The following CELF2 variants were observed in gnomAD, a reference collection of about 807,000 sequenced individuals.
CELF2 encodes the protein CUG triplet repeat RNA-binding protein 2.
Under a neutral mutation model 62.6 loss-of-function variants are expected in CELF2, and 8 were observed. That is an observed-to-expected ratio of 0.13 (90% CI 0.07 to 0.23). The LOEUF (loss-of-function observed/expected upper bound fraction) is 0.23. Among genes scored for constraint, CELF2 ranks in the 10% least tolerant of loss-of-function variants. The pLI is 1.00. For missense variants in CELF2, 333 were observed against 671.0 expected (o/e 0.50, Z 5.56); for synonymous variants, 258 against 250.0 (o/e 1.03, Z -0.30).
chr10:11,019,881 A>G (rs1288486648), intron 1 of CELF2, among the ~76,000 whole-genome samples: 1 of 152,168 alleles, frequency 6.6e-6, no homozygotes, highest in African/African-American at 2.4e-5. Context: ...TTTCTCCTCT[A>G]GAGGCTAGAG....
chr10:11,121,861 C>T (rs1595696962), intron 1 of CELF2, among the ~76,000 whole-genome samples: 1 of 152,128 alleles, frequency 6.6e-6, no homozygotes, highest in Non-Finnish European at 1.5e-5. Flanking sequence ...AAGAAATGCT[C>T]TGATGACAGG....
the CELF2 span, among the ~76,000 whole-genome samples, chr10:10,774,864 C>T: frequency 2.0e-5 from 3 of 148,626 alleles, no homozygotes; most frequent in East Asian, 2.0e-4. Flanking sequence ...TATTTATTTA[C>T]TTTTATTTTT....
chr10:11,245,512 C>T (rs138538829), intron 3 of CELF2, among the ~76,000 whole-genome samples: 9 of 152,168 alleles, frequency 5.9e-5, no homozygotes, highest in Non-Finnish European at 1.0e-4. Flanking sequence ...GTCTGACAAT[C>T]CACGGCTCTG....
rs766255031 is a variant in CELF2, at chr10:11,268,769, G to A, written c.619-1897G>A. ...GTCACATTATAATTGTTTGACTAAC[G>A]TTGTTTATTTTTAACTAATTATATT... On this transcript the variant is annotated intron_variant, in intron 6 of 12. Transcript: ENST00000633077. The surrounding 1 kb of genome is among the most constrained non-coding windows in gnomAD (Gnocchi z 4.7). 1.1e-4 allele frequency among the ~76,000 whole-genome samples: 16 copies of A among 152,032 alleles called. No individual in the cohort carries two copies. Among genetic ancestry groups the A allele is most frequent in the Admixed American group, 3.3e-4 (5 of 15,280 alleles).
the CELF2 span, among the ~76,000 whole-genome samples, chr10:10,591,435 T>C: frequency 6.6e-6 from 1 of 152,052 alleles, no homozygotes; most frequent in African/African-American, 2.4e-5. Flanking sequence ...AGTAAGTATA[T>C]ATGTATACAT....
At chr10:10,967,241 C>T (rs80193557) in intron 2 of CELF2, among the ~76,000 whole-genome samples, 9 of 152,250 alleles carry the variant, frequency 5.9e-5, no homozygotes, top group African/African-American at 1.4e-4. Flanking sequence ...AACAGGTGAC[C>T]GCCTGGGATT....
chr10:11,078,258 GC>G (rs372190784), intron 1 of CELF2, among the ~76,000 whole-genome samples: 13 of 151,644 alleles, frequency 8.6e-5, no homozygotes, highest in African/African-American at 2.4e-4. Context: ...GTGGTGGGGG[GC>G]GGAATGTATG....
chr10:10,747,222 A>C, the CELF2 span, among the ~76,000 whole-genome samples: 1 of 152,210 alleles, frequency 6.6e-6, no homozygotes, highest in Non-Finnish European at 1.5e-5. Context: ...ATCCCTACCC[A>C]CACTGGGGTG....
At chr10:10,619,696 G>A in the CELF2 span, among the ~76,000 whole-genome samples, 460 of 152,316 alleles carry the variant, frequency 3.0e-3, 3 homozygotes, top group African/African-American at 0.011. Context: ...GGCAGAAAAC[G>A]TCGTATTATC....
intron 2 of CELF2, among the ~76,000 whole-genome samples, chr10:10,953,234 G>A (rs953278976): frequency 2.6e-4 from 39 of 152,270 alleles, no homozygotes; most frequent in African/African-American, 6.3e-4. Flanking sequence ...AGAGAATTCC[G>A]TGGCAAGGGA....
rs114017821 is a variant in CELF2 at position 11,169,652 on chromosome 10, C to T, written c.271+3970C>T. Among the ~76,000 whole-genome samples the T allele has an allele frequency of 5.2e-3, 788 of 152,272 alleles. 7 individuals are homozygous for T. Among genetic ancestry groups the T allele is most frequent in the African/African-American group, 0.018 (749 of 41,526 alleles). On this transcript the variant is annotated intron_variant, in intron 2 of 12. Coordinates refer to ENST00000633077, the MANE Select transcript of CELF2 (RefSeq NM_001326342.2). The stretch of plus-strand genomic sequence containing the variant: ...TTCCCAGGCTGAAGGATTTAAAATT[C>T]CTTTGTTAGACTCTCGAGACTCTAG...
the CELF2 span, among the ~76,000 whole-genome samples, chr10:10,790,198 T>A: frequency 2.0e-5 from 3 of 152,274 alleles, no homozygotes; most frequent in South Asian, 6.2e-4. Flanking sequence ...TAGGGTTTTT[T>A]AAAATCGTCT....
chr10:10,556,026 C>A, the CELF2 span, among the ~76,000 whole-genome samples: 2 of 152,038 alleles, frequency 1.3e-5, no homozygotes, highest in Admixed American at 1.3e-4. Flanking sequence ...ATTTTTTCCA[C>A]ATTTTAAAAT....
chr10:10,659,733 G>C, the CELF2 span, among the ~76,000 whole-genome samples: 4 of 152,170 alleles, frequency 2.6e-5, no homozygotes, highest in Non-Finnish European at 5.9e-5. Context: ...TTCGGTTCCA[G>C]CTCCCTCAGT....
intron 9 of CELF2, among the ~76,000 whole-genome samples, chr10:11,303,878 G>C (rs982891851): frequency 2.6e-5 from 4 of 152,170 alleles, no homozygotes; most frequent in Non-Finnish European, 5.9e-5. Context: ...GTGACCTTCC[G>C]CACGCGACTT....
chr10:10,567,637 A>T, the CELF2 span, among the ~76,000 whole-genome samples: 2 of 152,180 alleles, frequency 1.3e-5, no homozygotes. Context: ...CATTGATACC[A>T]AAATCCCAGA....
intron 1 of CELF2, among the ~76,000 whole-genome samples, chr10:10,800,116 C>G (rs1025656854): frequency 1.3e-5 from 2 of 152,148 alleles, no homozygotes; most frequent in Non-Finnish European, 2.9e-5. Context: ...TTTTTAAGAA[C>G]AAGATTATAG....
the CELF2 span, among the ~76,000 whole-genome samples, chr10:10,669,147 T>C: frequency 3.9e-5 from 6 of 152,320 alleles, no homozygotes; most frequent in Non-Finnish European, 7.3e-5. Flanking sequence ...GGATTTGAAC[T>C]GAGATTCTCA....
At chr10:10,700,307 A>G in the CELF2 span, among the ~76,000 whole-genome samples, 1 of 152,238 alleles carries the variant, frequency 6.6e-6, no homozygotes, top group Admixed American at 6.5e-5. Context: ...CTGGGTTCAC[A>G]GACTCTGTTG....
Sources: allele counts gnomAD v4.1 joint callset (sites outside exome capture counted in the v4.1 genomes callset), GRCh38; gene constraint gnomAD v4.1.1; non-coding constraint Gnocchi (gnomAD v3.1); transcripts MANE v1.5; gene names NCBI Gene and HGNC (gene_info 2026-07-23, HGNC 2026-07-21).